Variants in SPOCK3 observed in about 807,000 individuals in gnomAD.
SPOCK3 encodes the protein SPARC (osteonectin), cwcv and kazal like domains proteoglycan 3.
In SPOCK3, 30 loss-of-function variants were observed where a neutral mutation model predicts 56.6. The observed-to-expected ratio is 0.53, with a 90% CI of 0.40 to 0.72. SPOCK3 has a LOEUF of 0.72. Among genes scored for constraint, SPOCK3 ranks in the 30% least tolerant of loss-of-function variants. The pLI, the probability that SPOCK3 is intolerant of heterozygous loss-of-function variation, is 0.00. For synonymous variants in SPOCK3, 196 were observed against 183.3 expected, an observed-to-expected ratio of 1.07 and a Z score of -0.56; for missense variants, 527 against 530.0, an observed-to-expected ratio of 0.99 and a Z score of 0.06.
At chr4:167,009,695 A>T (rs978685534) in intron 3 of SPOCK3, among the ~76,000 whole-genome samples, 61 of 152,116 alleles carry the variant, frequency 4.0e-4, no homozygotes, top group African/African-American at 1.4e-3. Context: ...AAAATTGCAA[A>T]CCACACCAGG....
chr4:167,199,678 T>G (rs1439506133), intron 2 of SPOCK3, among the ~76,000 whole-genome samples: 1 of 146,202 alleles, frequency 6.8e-6, no homozygotes, highest in African/African-American at 2.5e-5. Flanking sequence ...GAAACCCAAC[T>G]TATAATGTGT....
intron 4 of SPOCK3, among the ~76,000 whole-genome samples, chr4:166,926,022 A>G (rs35350419): frequency 0.02 from 2,974 of 152,262 alleles, 47 homozygotes; most frequent in Non-Finnish European, 0.034. Flanking sequence ...TTACACTCAT[A>G]TATTTACACA....
chr4:166,952,856 G>C (rs1339080817), intron 4 of SPOCK3, among the ~76,000 whole-genome samples: 1 of 151,890 alleles, frequency 6.6e-6, no homozygotes, highest in African/African-American at 2.4e-5. Flanking sequence ...TTTAATAAAT[G>C]GTGCTGGGTA....
chr4:166,773,525 TAAG>T (rs1345041409), intron 7 of SPOCK3, among the ~76,000 whole-genome samples: 3 of 152,176 alleles, frequency 2.0e-5, no homozygotes, highest in Non-Finnish European at 4.4e-5. Flanking sequence ...AGAGATTGTA[TAAG>T]AAGATAATAC....
chr4:166,872,691 T>C (rs1732610536), intron 6 of SPOCK3, among the ~76,000 whole-genome samples: 1 of 152,144 alleles, frequency 6.6e-6, no homozygotes, highest in Admixed American at 6.6e-5. Flanking sequence ...AAGGAGCCAA[T>C]ATGAAAGGCT....
intron 3 of SPOCK3, among the ~76,000 whole-genome samples, chr4:167,002,793 C>A (rs1749075775): frequency 6.6e-6 from 1 of 152,102 alleles, no homozygotes; most frequent in South Asian, 2.1e-4. Flanking sequence ...CACACTATAA[C>A]TTAGAAGACA....
chr4:166,875,376 A>G (rs1732967327), intron 6 of SPOCK3, among the ~76,000 whole-genome samples: 1 of 152,108 alleles, frequency 6.6e-6, no homozygotes. Flanking sequence ...TCAGTTATTC[A>G]TACATCATTT....
chr4:166,953,504 A>T (rs1350182447), intron 4 of SPOCK3, among the ~76,000 whole-genome samples: 1 of 151,928 alleles, frequency 6.6e-6, no homozygotes, highest in East Asian at 1.9e-4. Context: ...AAACTAGTTC[A>T]ACCATTGTGG....
intron 4 of SPOCK3, among the ~76,000 whole-genome samples, chr4:166,973,762 C>A (rs985106189): frequency 6.6e-6 from 1 of 151,996 alleles, no homozygotes; most frequent in Non-Finnish European, 1.5e-5. Flanking sequence ...TTAATGGCCG[C>A]TAGAAAAGAT....
intron 6 of SPOCK3, among the ~76,000 whole-genome samples, chr4:166,822,331 T>C (rs535293552): frequency 9.2e-5 from 14 of 152,158 alleles, no homozygotes; most frequent in African/African-American, 3.1e-4. Context: ...AAAATGTGGA[T>C]CAGTATTTGT....
intron 7 of SPOCK3, among the ~76,000 whole-genome samples, chr4:166,791,379 T>A (rs1348882891): frequency 1.3e-5 from 2 of 152,182 alleles, no homozygotes; most frequent in Non-Finnish European, 2.9e-5. Flanking sequence ...GCGATGAATG[T>A]CACACATCTG....
rs79967745 is a variant in SPOCK3, at chr4:167,181,464, G to A, written c.189+52521C>T. 6.8e-3 allele frequency among the ~76,000 whole-genome samples: 1,038 copies of A among 152,296 alleles called. 13 individuals carry two copies. The highest frequency in any genetic ancestry group is 0.024 in the African/African-American group (980 of 41,566). On this transcript the variant is annotated intron_variant, in intron 2 of 10. Transcript: ENST00000357545. ...TCTATTCTCCAGATAATTTGATCAAGTTATTGCTTGTTTAAAACCTTCCAA... is the reference window on the plus strand; with the variant it reads ...TCTATTCTCCAGATAATTTGATCAAATTATTGCTTGTTTAAAACCTTCCAA...
chr4:167,182,719 G>A (rs12650775), intron 2 of SPOCK3, among the ~76,000 whole-genome samples: 18,680 of 151,976 alleles, frequency 0.12, 1,363 homozygotes, highest in East Asian at 0.2. Flanking sequence ...TGTATTTTTA[G>A]TGGAGACAGG....
chr4:166,917,832 C>A (rs1738043841), intron 4 of SPOCK3, among the ~76,000 whole-genome samples: 2 of 152,054 alleles, frequency 1.3e-5, no homozygotes, highest in South Asian at 4.1e-4. Flanking sequence ...ATTACCCAGT[C>A]TCAGGCATTT....
chr4:166,840,743 T>A (rs1747150194), intron 6 of SPOCK3, among the ~76,000 whole-genome samples: 1 of 150,008 alleles, frequency 6.7e-6, no homozygotes, highest in Non-Finnish European at 1.5e-5. Flanking sequence ...GGAAAAGCTA[T>A]GTCTAATTCA....
At chr4:167,064,918 T>C (rs889651345) in intron 2 of SPOCK3, among the ~76,000 whole-genome samples, 1 of 151,208 alleles carries the variant, frequency 6.6e-6, no homozygotes, top group Non-Finnish European at 1.5e-5. Context: ...TCTGTCAGTG[T>C]CTTTGGGCAA....
At chr4:167,150,744 A>T (rs1764344562) in intron 2 of SPOCK3, among the ~76,000 whole-genome samples, 1 of 152,154 alleles carries the variant, frequency 6.6e-6, no homozygotes, top group African/African-American at 2.4e-5. Context: ...GGGTTATCTG[A>T]TTGCGTCAGC....
chr4:166,957,027 G>C (rs1043021690), intron 4 of SPOCK3, among the ~76,000 whole-genome samples: 1 of 152,196 alleles, frequency 6.6e-6, no homozygotes, highest in African/African-American at 2.4e-5. Context: ...GCAGAGACAA[G>C]CAGATCCCTT....
At chr4:166,881,217 T>C (rs1733651866) in intron 6 of SPOCK3, among the ~76,000 whole-genome samples, 1 of 152,124 alleles carries the variant, frequency 6.6e-6, no homozygotes, top group African/African-American at 2.4e-5. Flanking sequence ...ATCAGTCACA[T>C]AATTGCATTT....
Sources: allele counts gnomAD v4.1 joint callset (sites outside exome capture counted in the v4.1 genomes callset), GRCh38; gene constraint gnomAD v4.1.1; transcripts MANE v1.5; gene names NCBI Gene and HGNC (gene_info 2026-07-23, HGNC 2026-07-21).